ACOX1: variants seen among roughly 807,000 people sequenced by gnomAD.
ACOX1 encodes acyl-CoA oxidase 1.
A neutral mutation model predicts 75.5 loss-of-function variants in ACOX1; 41 were observed. The observed-to-expected ratio is 0.54, with a 90% CI of 0.42 to 0.70. ACOX1 has a LOEUF of 0.70. Ranked by LOEUF, ACOX1 falls within the 30% of genes least tolerant of loss-of-function variation. The pLI is 0.00. For synonymous variants in ACOX1, 303 were observed against 298.8 expected (o/e 1.01, Z -0.15); for missense variants, 630 against 837.5 (o/e 0.75, Z 3.06).
chr17:75,960,476 A>T lies in ACOX1; in HGVS notation c.270-101T>A. The T allele has an allele frequency of 1.6e-6, 2 of 1,241,902 alleles. No individual in the cohort carries two copies. Among genetic ancestry groups the T allele is most frequent in the Non-Finnish European group, 2.3e-6 (2 of 874,124 alleles). The allele number at this position is 1,241,902 out of a possible 1,614,324, so 76.9% of individuals were successfully genotyped here. A position where few individuals can be genotyped will look rare whatever the true frequency, so the allele number is the denominator to read the frequency against. On this transcript the variant is annotated intron_variant, in intron 2 of 13. Coordinates refer to ENST00000293217, the MANE Select transcript of ACOX1 (RefSeq NM_004035.7). This position sits in a 1 kb window ranked among gnomAD's most constrained non-coding sequence, Gnocchi z 4.4. Reference sequence around the variant, plus strand: ...CAAGGGAAGGAGACAAAAAAACCTTAAGTATGAATTAGTTGCGTGCACTTA... The same window carrying T: ...CAAGGGAAGGAGACAAAAAAACCTTTAGTATGAATTAGTTGCGTGCACTTA...
intron 2 of ACOX1, among the ~76,000 whole-genome samples, chr17:75,972,582 T>C (rs535090786): frequency 9.1e-4 from 135 of 149,114 alleles, no homozygotes; most frequent in African/African-American, 2.4e-3. Context: ...GAGGCGGAGG[T>C]TGCAGTGAGC....
Position 75,979,049 on chromosome 17 carries a change from G to A in ACOX1, c.25C>T (p.Arg9Trp). 3 of 1,612,130 alleles carry A rather than the reference G, an allele frequency of 1.9e-6. No homozygotes were observed. Among genetic ancestry groups the A allele is most frequent in the Non-Finnish European group, 8.5e-7 (1 of 1,179,986 alleles). Residue 9 changes from arginine to tryptophan, a missense_variant, in exon 1 of 14, where the codon CGG (arginine) becomes TGG (tryptophan). By Grantham distance (101) the Arg-to-Trp change is moderately radical. Around this residue, in one of 2 missense-constraint regions of ACOX1, gnomAD observed 390 missense variants for 574.9 expected, o/e 0.68. Transcript: ENST00000293217. MNPDLRRE[R>W]DSASFNPELL... is the part of the protein sequence containing the mutation. ...TCCGGGTTGAAGCTGGCGGAATCCC[G>A]CTCCCTGCGCAGGTCCGGGTTCATG... is the stretch of plus-strand genomic sequence containing the variant.
rs773082322 is a variant in ACOX1, at chr17:75,967,661, C to CAT, written c.270-7288_270-7287dup. On this transcript the variant is annotated intron_variant, in intron 2 of 13. Transcript: ENST00000293217. ...ATATATATACGTATATATATACATA[C>CAT]ATATATATACATATATATACGTATA... 1.3e-4 allele frequency among the ~76,000 whole-genome samples: 12 copies of CAT among 93,304 alleles called. 1 individual carries two copies. The highest frequency in any genetic ancestry group is 7.0e-4 in the African/African-American group (10 of 14,274). 61.2% of individuals were successfully genotyped at this position (93,304 alleles called of 152,430 possible). A position where few individuals can be genotyped will look rare whatever the true frequency, so the allele number is the denominator to read the frequency against.
chr17:75,967,108 A>G (rs1251816312), intron 2 of ACOX1, among the ~76,000 whole-genome samples: 1 of 151,886 alleles, frequency 6.6e-6, no homozygotes, highest in Non-Finnish European at 1.5e-5. Flanking sequence ...GAAAACCATG[A>G]GATTCATTCT....
intron 2 of ACOX1, among the ~76,000 whole-genome samples, chr17:75,977,558 T>G (rs992357575): frequency 6.6e-6 from 1 of 151,982 alleles, no homozygotes; most frequent in Non-Finnish European, 1.5e-5. Flanking sequence ...AGAGCGAGAC[T>G]CCGTCTCAAA....
intron 2 of ACOX1, among the ~76,000 whole-genome samples, chr17:75,961,148 G>A (rs933463194): frequency 1.3e-5 from 2 of 149,588 alleles, no homozygotes; most frequent in Non-Finnish European, 3.0e-5. Flanking sequence ...CAAAAATTAA[G>A]CAGGCATGGT....
chr17:75,944,081 C>T lies in ACOX1; in HGVS notation c.*2667G>A, dbSNP rs2065698001. On this transcript the variant is annotated 3_prime_UTR_variant, in exon 14 of 14. Coordinates refer to ENST00000293217, the MANE Select transcript of ACOX1 (RefSeq NM_004035.7). ...CCCCGTCTCTACAGAAAAAATAGAA[C>T]AAATTAGCTGGGCATGGTGGCACGT... 1 of 151,922 alleles carries T rather than the reference C, an allele frequency of 6.6e-6. No homozygotes were observed. Among genetic ancestry groups the T allele is most frequent in the African/African-American group, 2.4e-5 (1 of 41,350 alleles). The allele number at this position is 151,922 out of a possible 1,614,324, so 9.4% of individuals were successfully genotyped here. A position where few individuals can be genotyped will look rare whatever the true frequency, so the allele number is the denominator to read the frequency against.
intron 12 of ACOX1, 138 bp downstream of exon 12, chr17:75,949,079 C>A: frequency 1.0e-6 from 1 of 972,370 alleles, no homozygotes; most frequent in Non-Finnish European, 1.6e-6. Context: ...TGGTCTTGAA[C>A]TCCTGACCTC....
chr17:75,946,994 G>A (rs569501857), intron 13 of ACOX1, among the ~76,000 whole-genome samples, 199 bp from the exon 14 acceptor site: 74 of 151,056 alleles, frequency 4.9e-4, no homozygotes, highest in African/African-American at 9.7e-4. Context: ...TTAGCCTCCC[G>A]AGTTGCTAGA....
At position 75,945,186 on chromosome 17, in the gene ACOX1, CCA is replaced by C. The variant is rs1355974752; in HGVS notation, c.*1560_*1561del. 1.3e-5 allele frequency: 2 copies of C among 152,096 alleles called. No homozygotes were observed. Among genetic ancestry groups the C allele is most frequent in the African/African-American group, 4.8e-5 (2 of 41,402 alleles). 9.4% of individuals were successfully genotyped at this position (152,096 alleles called of 1,614,324 possible). A position where few individuals can be genotyped will look rare whatever the true frequency, so the allele number is the denominator to read the frequency against. ...CATTCCAAACACCCTCAGATCCTGC[CCA>C]GATATTCATCTGTGAACAAGGTATT... On this transcript the variant is annotated 3_prime_UTR_variant, in exon 14 of 14. Coordinates refer to ENST00000293217, the MANE Select transcript of ACOX1 (RefSeq NM_004035.7).
chr17:75,948,234 A>ATTC lies in ACOX1; in HGVS notation c.1935+16_1935+17insGAA, dbSNP rs2065739804. 3.1e-6 allele frequency: 5 copies of ATTC among 1,613,400 alleles called. No homozygotes were observed. In the East Asian group the frequency reaches 1.1e-4, roughly 36 times the overall value. On this transcript the variant is annotated intron_variant, in intron 13 of 13. Transcript: ENST00000293217. The stretch of plus-strand genomic sequence containing the variant: ...AGTGAAGACTTTTAAAAAGGTGCAG[A>ATTC]GACACTGGATTTTTACCTCTGCTTT...
Position 75,960,573 on chromosome 17 carries a change from G to A in ACOX1, c.270-198C>T, listed in dbSNP as rs1055417359. Among the ~76,000 whole-genome samples the A allele has an allele frequency of 6.6e-6, 1 of 152,108 alleles. No individual in the cohort carries two copies. Among genetic ancestry groups the A allele is most frequent in the African/African-American group, 2.4e-5 (1 of 41,398 alleles). On this transcript the variant is annotated intron_variant, in intron 2 of 13. Coordinates refer to ENST00000293217, the MANE Select transcript of ACOX1 (RefSeq NM_004035.7). This position sits in a 1 kb window ranked among gnomAD's most constrained non-coding sequence, Gnocchi z 4.4. ...TGTTAATTTCCATTTTTCCTGAGTC[G>A]GCAAGGAGTACGAGGACAGGGATTG...
rs2144217458 is a variant in ACOX1, at chr17:75,942,923, G to A, written c.*3825C>T. On this transcript the variant is annotated 3_prime_UTR_variant, in exon 14 of 14. Transcript: ENST00000293217. ...TCTCCACCCAAAGCCCTGCAGTGAA[G>A]AAAATCCAAGAATTAAGATGTAACA... 1 of 152,250 alleles carries A rather than the reference G, an allele frequency of 6.6e-6. No homozygotes were observed. The highest frequency in any genetic ancestry group is 1.9e-4 in the East Asian group (1 of 5,184). 9.4% of individuals were successfully genotyped at this position (152,250 alleles called of 1,614,324 possible).
chr17:75,961,979 G>T (rs2065892835), intron 2 of ACOX1, among the ~76,000 whole-genome samples: 1 of 152,072 alleles, frequency 6.6e-6, no homozygotes, highest in Admixed American at 6.6e-5. Context: ...ATGACCCCCA[G>T]ATTATAGTTT....
chr17:75,948,433 T>C lies in ACOX1; in HGVS notation c.1753A>G (p.Ile585Val). ...TTTACACGCTGGTTTACTTGTGTAA[T>C]CTGAGGCTCTGTCATGATGCTCCCC... ...LQGSIMTEPQ[I>V]TQVNQRVKEL... The change falls in exon 13 of 14, where the codon ATT becomes GTT. Residue 585 changes from isoleucine to valine, a missense_variant. By Grantham distance (29) the Ile-to-Val change is conservative. Transcript: ENST00000293217. The C allele has an allele frequency of 6.2e-7, 1 of 1,614,182 alleles. No individual in the cohort carries two copies. Among genetic ancestry groups the C allele is most frequent in the Non-Finnish European group, 8.5e-7 (1 of 1,180,030 alleles).
intron 2 of ACOX1, among the ~76,000 whole-genome samples, chr17:75,969,762 G>A (rs193280626): frequency 1.3e-5 from 2 of 152,274 alleles, no homozygotes; most frequent in East Asian, 3.9e-4. Context: ...GGATAACTAT[G>A]TATCATACAA....
chr17:75,956,913 CTCTCTCTCTCTCTCTCTCTCTCT>C (rs2065829803), intron 4 of ACOX1, among the ~76,000 whole-genome samples: 14 of 42,942 alleles, frequency 3.3e-4, no homozygotes, highest in African/African-American at 1.2e-3. Context: ...TGGCTTTCCT[CTCTCTCTCTCTCTCTCTCTCTCT>C]CTCTCTCTCT....
chr17:75,972,188 C>T (rs539687775), intron 2 of ACOX1, among the ~76,000 whole-genome samples: 15 of 151,970 alleles, frequency 9.9e-5, no homozygotes, highest in South Asian at 4.2e-4. Flanking sequence ...ATTAGCCGGG[C>T]GTGGTGGCGG....
Position 75,978,879 on chromosome 17 carries a change from T to C in ACOX1, c.109+86A>G. On this transcript the variant is annotated intron_variant, in intron 1 of 13. Transcript: ENST00000293217. This position sits in a 1 kb window ranked among gnomAD's most constrained non-coding sequence, Gnocchi z 4.2. The stretch of plus-strand genomic sequence containing the variant: ...TCCCCTAACGCTGGGCCAGAGGGCC[T>C]AGGCCCCACAGCGCCCCTGACTCCG... The C allele has an allele frequency of 1.2e-6, 2 of 1,600,800 alleles. No homozygotes were observed. Among genetic ancestry groups the C allele is most frequent in the South Asian group, 2.2e-5 (2 of 90,974 alleles).
Sources: gnomAD v4.1 joint callset for allele counts (sites outside exome capture counted in the v4.1 genomes callset) on GRCh38, gnomAD v4.1.1 for gene constraint, gnomAD v4.1.1 regional missense constraint, Gnocchi (gnomAD v3.1) non-coding constraint, MANE v1.5 for transcripts, NCBI Gene and HGNC (gene_info 2026-07-23, HGNC 2026-07-21) for gene names.